The following MCM7 variants were observed in gnomAD, a reference collection of about 807,000 sequenced individuals.
MCM7 encodes minichromosome maintenance complex component 7, also known as DNA replication licensing factor MCM7.
Under a neutral mutation model 83.5 loss-of-function variants are expected in MCM7, and 95 were observed. The ratio of observed to expected loss-of-function variants is 1.14; its 90% CI spans 0.96 to 1.35. The LOEUF is 1.35. Among genes scored for constraint, MCM7 ranks in the 40% most tolerant of loss-of-function variants. The pLI is 0.00. For missense variants in MCM7, 1,087 were observed against 957.4 expected (o/e 1.14, Z -1.79); for synonymous variants, 461 against 352.7 (o/e 1.31, Z -3.44).
chr7:100,096,021 T>C lies in MCM7; in HGVS notation c.1348A>G (p.Met450Val). 6.2e-7 allele frequency: 1 copy of C among 1,613,924 alleles called. No homozygotes were observed. The highest frequency in any genetic ancestry group is 8.5e-7 in the Non-Finnish European group (1 of 1,179,982). Residue 450 changes from methionine to valine, a missense_variant, in exon 11 of 15, where the codon ATG becomes GTG. Met to Val is a conservative substitution (Grantham distance 21). Coordinates refer to ENST00000303887, the MANE Select transcript of MCM7 (RefSeq NM_005916.5). ...GVCCIDEFDKMAEADRTAIHE... is the reference protein window; with the variant it reads ...GVCCIDEFDKVAEADRTAIHE... ...ATGGCTGTGCGGTCGGCCTCAGCCATCTTGTCGAACTCATCAATGCAGCAC... is the reference window on the plus strand; with the variant it reads ...ATGGCTGTGCGGTCGGCCTCAGCCACCTTGTCGAACTCATCAATGCAGCAC...
In MCM7 at chr7:100,097,750, A is replaced by G. The variant is rs772107513; in HGVS notation, c.986-5T>C. The G allele has an allele frequency of 2.5e-6, 4 of 1,614,048 alleles. No homozygotes were observed. Among genetic ancestry groups the G allele is most frequent in the South Asian group, 2.2e-5 (2 of 91,086 alleles). ...GCTTTTCGTAGAAATCCTCCTCTGT[A>G]GAGAAGTTAAGGTTGTTTTATTTTC... On this transcript the variant is annotated splice_region_variant and splice_polypyrimidine_tract_variant and intron_variant, in intron 8 of 14. Coordinates refer to ENST00000303887, the MANE Select transcript of MCM7 (RefSeq NM_005916.5).
rs1287235184 is a variant in MCM7 at position 100,095,422 on chromosome 7, G to C, written c.1644C>G (p.Pro548=). Reference sequence around the variant, plus strand: ...TCATGTCCAGAGGTTCAAACTGGGAGGGGGGCTGCCGGCTGTGCTGGTGCA... The same window carrying C: ...TCATGTCCAGAGGTTCAAACTGGGACGGGGGCTGCCGGCTGTGCTGGTGCA... The part of the protein sequence containing the change: ...TYVHQHSRQP[P]SQFEPLDMKL... The change falls in exon 12 of 15, where the codon CCC becomes CCG. Residue 548 remains proline (P), a synonymous_variant. Transcript: ENST00000303887. 5 of 1,613,924 alleles carry C rather than the reference G, an allele frequency of 3.1e-6. No individual in the cohort carries two copies. The highest frequency in any genetic ancestry group is 3.4e-6 in the Non-Finnish European group (4 of 1,179,922).
Position 100,097,905 on chromosome 7 carries a change from T to C in MCM7, c.914A>G (p.Lys305Arg). 6.2e-7 allele frequency: 1 copy of C among 1,614,216 alleles called. No individual in the cohort carries two copies. Among genetic ancestry groups the C allele is most frequent in the Non-Finnish European group, 8.5e-7 (1 of 1,180,044 alleles). Residue 305 changes from lysine (K) to arginine (R), a missense_variant, in exon 8 of 15, where the codon AAG becomes AGG. Lys to Arg is a conservative substitution (Grantham distance 26). Coordinates refer to ENST00000303887, the MANE Select transcript of MCM7 (RefSeq NM_005916.5). ...ETYLEAHRIV[K>R]MNKSEDDESG... ...CTCATCATCCTCACTCTTGTTCATC[T>C]TCACAATCCGATGGGCTTCCAGGTA...
chr7:100,098,317 T>A (rs1283579921), intron 6 of MCM7, 27 bp from the exon 7 acceptor site: 3 of 1,611,280 alleles, frequency 1.9e-6, no homozygotes, highest in Non-Finnish European at 8.5e-7. Context: ...CACATAAGAC[T>A]AGGAGAAATG....
At chr7:100,095,648 G>A (rs754739654) in intron 11 of MCM7, 126 bp downstream of exon 11, 260 of 1,367,598 alleles carry the variant, frequency 1.9e-4, no homozygotes, top group South Asian at 1.2e-3. Context: ...CCATGGACCA[G>A]CCCCTGCTGC....
chr7:100,098,050 TG>T, intron 7 of MCM7, 90 bp downstream of exon 7: 1 of 1,582,298 alleles, frequency 6.3e-7, no homozygotes, highest in South Asian at 1.1e-5. Context: ...CTGTTTTGTT[TG>T]GGGTTTTGCT....
intron 10 of MCM7, among the ~76,000 whole-genome samples, chr7:100,096,825 G>C (rs746528233): frequency 6.6e-6 from 1 of 151,922 alleles, no homozygotes; most frequent in African/African-American, 2.4e-5. Context: ...TTTTTAGGCC[G>C]GGTGCGGTGG....
chr7:100,097,256 CCTGT>C (rs756814485), intron 10 of MCM7, 41 bp downstream of exon 10: 41 of 1,540,412 alleles, frequency 2.7e-5, no homozygotes, highest in Admixed American at 6.7e-5. Context: ...ACACTGTGGT[CCTGT>C]CTGTCACTAT....
In MCM7 at chr7:100,098,138, T is replaced by C. The variant is rs370049375; in HGVS notation, c.870+3A>G. 2 of 1,613,888 alleles carry C rather than the reference T, an allele frequency of 1.2e-6. No individual in the cohort carries two copies. Among genetic ancestry groups the C allele is most frequent in the African/African-American group, 1.3e-5 (1 of 74,924 alleles). ...CCATTCCTCATGTCAAACTCTTCCT[T>C]ACCTGTACCACCTGTCGGAACCCAG... is the stretch of plus-strand genomic sequence containing the variant. On this transcript the variant is annotated splice_donor_region_variant and intron_variant, in intron 7 of 14. Transcript: ENST00000303887.
chr7:100,096,445 G>A (rs889729072), intron 10 of MCM7, among the ~76,000 whole-genome samples: 5 of 152,162 alleles, frequency 3.3e-5, no homozygotes, highest in Admixed American at 6.6e-5. Flanking sequence ...GAGACTATAG[G>A]CACTCACTAC....
At position 100,095,771 on chromosome 7, in the gene MCM7, C is replaced by G. The variant is rs1368387075; in HGVS notation, c.1595+3G>C. The G allele has an allele frequency of 6.4e-7, 1 of 1,565,510 alleles. No homozygotes were observed. The highest frequency in any genetic ancestry group is 8.6e-7 in the Non-Finnish European group (1 of 1,156,826). On this transcript the variant is annotated splice_donor_region_variant and intron_variant, in intron 11 of 14. Coordinates refer to ENST00000303887, the MANE Select transcript of MCM7 (RefSeq NM_005916.5). Reference sequence around the variant, plus strand: ...CTCTCTTTGGGTGTTGAGCTTCATTCACCGTAGGTCATTGTCTCGGTCGGG... The same window carrying G: ...CTCTCTTTGGGTGTTGAGCTTCATTGACCGTAGGTCATTGTCTCGGTCGGG...
At chr7:100,100,115 C>T (rs1292838136) in intron 1 of MCM7, 22 bp from the exon 2 acceptor site, 8 of 1,612,288 alleles carry the variant, frequency 5.0e-6, no homozygotes, top group East Asian at 2.2e-5. Context: ...AATGTAAAAC[C>T]GTAAGACACA....
At chr7:100,101,131 C>G (rs1485017794) in intron 1 of MCM7, 133 bp downstream of exon 1, 2 of 1,153,044 alleles carry the variant, frequency 1.7e-6, no homozygotes, top group Non-Finnish European at 2.5e-6. Context: ...CAGGCCGCAG[C>G]TCGACCCTGC....
rs1196001974 is a variant in MCM7 at position 100,097,948 on chromosome 7, C to A, written c.871G>T (p.Gly291Cys). The change falls in exon 8 of 15, where the codon GGT becomes TGT. Residue 291 changes from glycine to cysteine, a missense_variant and splice_region_variant. By Grantham distance (159) the Gly-to-Cys change is radical. Transcript: ENST00000303887. ...TCCAGGTAGGTTTCTGAGAGTAAAC[C>A]CTTGGGCAGGAAAATGCCAGGATAC... ...LRTGFRQVVQ[G>C]LLSETYLEAH... The A allele has an allele frequency of 1.2e-6, 2 of 1,613,780 alleles. No homozygotes were observed. Among genetic ancestry groups the A allele is most frequent in the Admixed American group, 1.7e-5 (1 of 59,998 alleles).
intron 1 of MCM7, chr7:100,100,726 G>C (rs1481618851): frequency 1.0e-6 from 1 of 987,852 alleles, no homozygotes; most frequent in Non-Finnish European, 1.2e-6. Flanking sequence ...CTCCGCGGCC[G>C]CCGCGCGGAA....
chr7:100,098,078 G>A, intron 7 of MCM7, 63 bp downstream of exon 7: 3 of 1,589,838 alleles, frequency 1.9e-6, no homozygotes, highest in Non-Finnish European at 2.6e-6. Context: ...TTCTCTGTGT[G>A]GGTAGAATGA....
At chr7:100,099,434 AAAG>A (rs772721732) in intron 3 of MCM7, 31 bp from the exon 4 acceptor site, 125 of 1,583,422 alleles carry the variant, frequency 7.9e-5, no homozygotes, top group Non-Finnish European at 9.5e-5. Flanking sequence ...AAAAAAAAAA[AAAG>A]AGCAACAGGA....
rs758544547 is a variant in MCM7 at position 100,094,335 on chromosome 7, G to A, written c.1686C>T (p.Tyr562=). The A allele has an allele frequency of 3.9e-5, 63 of 1,613,944 alleles. No homozygotes were observed. Among genetic ancestry groups the A allele is most frequent in the Non-Finnish European group, 5.2e-5 (61 of 1,180,044 alleles). Residue 562 remains tyrosine (Y), a synonymous_variant, in exon 13 of 15, where the codon TAC becomes TAT. Coordinates refer to ENST00000303887, the MANE Select transcript of MCM7 (RefSeq NM_005916.5). Reference sequence around the variant, plus strand: ...GCTGCTTCTCGCGGCACATGGCTATGTAACGCCTGTGGGGGAAGGTTCATG... The same window carrying A: ...GCTGCTTCTCGCGGCACATGGCTATATAACGCCTGTGGGGGAAGGTTCATG... ...EPLDMKLMRR[Y]IAMCREKQPM...
chr7:100,094,448 T>TC, intron 12 of MCM7, 107 bp from the exon 13 acceptor site: 1 of 1,301,278 alleles, frequency 7.7e-7, no homozygotes. Flanking sequence ...CATGGTCCCC[T>TC]CCAAGAATTT....
Sources: gnomAD v4.1 joint callset for allele counts (sites outside exome capture counted in the v4.1 genomes callset) on GRCh38, gnomAD v4.1.1 for gene constraint, MANE v1.5 for transcripts, NCBI Gene and HGNC (gene_info 2026-07-23, HGNC 2026-07-21) for gene names.